Variants in CDKAL1 observed in about 807,000 individuals in gnomAD.
CDKAL1 encodes threonylcarbamoyladenosine tRNA methylthiotransferase.
Under a neutral mutation model 68.2 loss-of-function variants are expected in CDKAL1, and 32 were observed. The ratio of observed to expected loss-of-function variants is 0.47; its 90% CI spans 0.35 to 0.63. The LOEUF is 0.63. Among genes scored for constraint, CDKAL1 ranks in the 30% least tolerant of loss-of-function variants. The pLI is 0.00. For missense variants in CDKAL1, 606 were observed against 696.7 expected (o/e 0.87, Z 1.47); for synonymous variants, 234 against 244.3 (o/e 0.96, Z 0.39).
chr6:20,855,333 C>T (rs1351280037), intron 9 of CDKAL1, among the ~76,000 whole-genome samples: 2 of 149,634 alleles, frequency 1.3e-5, no homozygotes, highest in Non-Finnish European at 3.0e-5. Context: ...ATCTCAGCTA[C>T]TTGGGAAGCT....
At chr6:20,837,582 T>G (rs1337259384) in intron 8 of CDKAL1, among the ~76,000 whole-genome samples, 1 of 152,148 alleles carries the variant, frequency 6.6e-6, no homozygotes, top group African/African-American at 2.4e-5. Context: ...GATTAACCCT[T>G]AGGTAAGTCT....
chr6:20,623,599 A>G (rs1767291794), intron 4 of CDKAL1, among the ~76,000 whole-genome samples: 1 of 152,120 alleles, frequency 6.6e-6, no homozygotes, highest in South Asian at 2.1e-4. Context: ...ATGCAGTGCA[A>G]ATGCTTGCTG....
rs534304158 is a variant in CDKAL1 at position 21,209,279 on chromosome 6, C to T, written c.1548+8005C>T. Among the ~76,000 whole-genome samples, 105 of 152,244 alleles carry T rather than the reference C, an allele frequency of 6.9e-4. 3 individuals are homozygous for T. Among genetic ancestry groups the T allele is most frequent in the African/African-American group, 2.4e-3 (101 of 41,544 alleles). On this transcript the variant is annotated intron_variant, in intron 15 of 15. Coordinates refer to ENST00000274695, the MANE Select transcript of CDKAL1 (RefSeq NM_017774.3). ...TCCCCACCTCTCCATCCTTTGTCCA[C>T]GTTCAAGATAGGAGGCAGAAGGAGC... is the stretch of plus-strand genomic sequence containing the variant.
chr6:20,935,763 T>C (rs1405430459), intron 9 of CDKAL1, among the ~76,000 whole-genome samples: 1 of 152,140 alleles, frequency 6.6e-6, no homozygotes, highest in Non-Finnish European at 1.5e-5. Flanking sequence ...AGAAACAGGA[T>C]CTTGCTACAT....
chr6:20,836,440 C>A (rs1777950027), intron 8 of CDKAL1, among the ~76,000 whole-genome samples: 1 of 152,092 alleles, frequency 6.6e-6, no homozygotes, highest in African/African-American at 2.4e-5. Flanking sequence ...ATCTGGGAAT[C>A]CAGGTCTTTC....
rs1337703122 is a variant in CDKAL1, at chr6:21,065,048, A to G, written c.1056A>G (p.Lys352=). 2.6e-6 allele frequency: 4 copies of G among 1,528,252 alleles called. No homozygotes were observed. The highest frequency in any genetic ancestry group is 4.8e-5 in the East Asian group (2 of 41,946). The allele number at this position is 1,528,252 out of a possible 1,614,324, so 94.7% of individuals were successfully genotyped here. A position where few individuals can be genotyped will look rare whatever the true frequency, so the allele number is the denominator to read the frequency against. Reference sequence around the variant, plus strand: ...ACATTTTTGTCTTGTTATTTTCTAGAGTTCCTGGAATAACTATTGCTACAG... The same window carrying G: ...ACATTTTTGTCTTGTTATTTTCTAGGGTTCCTGGAATAACTATTGCTACAG... ...FKRVVDFLKE[K]VPGITIATDI... The change falls in exon 12 of 16, where the codon AAA becomes AAG. Residue 352 remains lysine (K), a splice_region_variant and synonymous_variant. Coordinates refer to ENST00000274695, the MANE Select transcript of CDKAL1 (RefSeq NM_017774.3).
At chr6:20,834,048 T>C (rs886449057) in intron 8 of CDKAL1, among the ~76,000 whole-genome samples, 1 of 152,240 alleles carries the variant, frequency 6.6e-6, no homozygotes, top group Non-Finnish European at 1.5e-5. Context: ...CTAAGAATCA[T>C]TGACATAGAC....
chr6:21,011,223 T>G (rs985040318), intron 11 of CDKAL1, among the ~76,000 whole-genome samples: 2 of 135,470 alleles, frequency 1.5e-5, no homozygotes, highest in African/African-American at 5.6e-5. Context: ...CTAAAAAAAA[T>G]AGACAAAAAA....
chr6:21,222,507 A>G (rs939345449), intron 15 of CDKAL1, among the ~76,000 whole-genome samples: 1 of 152,198 alleles, frequency 6.6e-6, no homozygotes, highest in Non-Finnish European at 1.5e-5. Flanking sequence ...TGGACTATGC[A>G]TACAACATTG....
intron 7 of CDKAL1, among the ~76,000 whole-genome samples, chr6:20,771,039 G>A (rs72832334): frequency 0.017 from 2,633 of 152,120 alleles, 37 homozygotes; most frequent in Non-Finnish European, 0.026. Flanking sequence ...TGCCTTCCTC[G>A]AGACCTTAAG....
intron 10 of CDKAL1, among the ~76,000 whole-genome samples, chr6:20,956,570 T>C (rs1764787789): frequency 6.6e-6 from 1 of 152,212 alleles, no homozygotes; most frequent in South Asian, 2.1e-4. Context: ...GTGTGTTCTT[T>C]GCAGTATGTT....
chr6:20,651,538 C>T (rs773444787), intron 5 of CDKAL1, among the ~76,000 whole-genome samples: 4 of 152,106 alleles, frequency 2.6e-5, no homozygotes, highest in South Asian at 4.1e-4. Context: ...TATTTGAATA[C>T]GCTTTATTTT....
intron 2 of CDKAL1, among the ~76,000 whole-genome samples, chr6:20,542,047 T>C (rs1266933703): frequency 6.6e-6 from 1 of 152,218 alleles, no homozygotes; most frequent in Admixed American, 6.5e-5. Flanking sequence ...TTATTTCTAA[T>C]CTTTGGTTCT....
At position 21,108,423 on chromosome 6, in the gene CDKAL1, T is replaced by C; in HGVS notation, c.1259T>C (p.Leu420Pro). ...CAGAAAAAGCAAAGGACAAAAGATCTTTCTCGGGTGTTTCATTCTTACAGT... is the reference window on the plus strand; with the variant it reads ...CAGAAAAAGCAAAGGACAAAAGATCCTTCTCGGGTGTTTCATTCTTACAGT... ...AQVKKQRTKD[L>P]SRVFHSYSPY... is the part of the protein sequence containing the mutation. The change falls in exon 13 of 16, where the codon CTT (leucine) becomes CCT (proline). Residue 420 changes from leucine (L) to proline (P), a missense_variant. Transcript: ENST00000274695. 1.2e-6 allele frequency: 2 copies of C among 1,606,752 alleles called. No individual in the cohort carries two copies. The highest frequency in any genetic ancestry group is 1.7e-6 in the Non-Finnish European group (2 of 1,177,574).
In CDKAL1 at chr6:20,581,197, A is replaced by G. The variant is rs113135535; in HGVS notation, c.286+32492A>G. Among the ~76,000 whole-genome samples the G allele has an allele frequency of 8.1e-3, 1,230 of 152,278 alleles. 23 individuals are homozygous for G. Among genetic ancestry groups the G allele is most frequent in the African/African-American group, 0.028 (1,168 of 41,544 alleles). On this transcript the variant is annotated intron_variant, in intron 4 of 15. Transcript: ENST00000274695. ...GTAGTAGATCATCTCTTTGCTTCCAACTAAAGTGGAGCATTGGATGTTGTT... is the reference window on the plus strand; with the variant it reads ...GTAGTAGATCATCTCTTTGCTTCCAGCTAAAGTGGAGCATTGGATGTTGTT...
At chr6:20,609,272 TTCTCC>T in intron 4 of CDKAL1, among the ~76,000 whole-genome samples, 1 of 146,628 alleles carries the variant, frequency 6.8e-6, no homozygotes, top group African/African-American at 2.6e-5. Flanking sequence ...TTCCTCCTCC[TTCTCC>T]TCCTTCTCCT....
chr6:21,191,235 A>G (rs1428767531), intron 13 of CDKAL1, among the ~76,000 whole-genome samples: 1 of 152,232 alleles, frequency 6.6e-6, no homozygotes, highest in East Asian at 1.9e-4. Flanking sequence ...CTTAGAGTGT[A>G]CTTGAGGACC....
intron 5 of CDKAL1, among the ~76,000 whole-genome samples, chr6:20,697,311 A>C (rs577108273): frequency 6.6e-6 from 1 of 152,228 alleles, no homozygotes; most frequent in Non-Finnish European, 1.5e-5. Context: ...ATGGCTTCTT[A>C]AAGTTTTGGT....
intron 4 of CDKAL1, among the ~76,000 whole-genome samples, chr6:20,614,821 C>T (rs1191238514): frequency 6.6e-6 from 1 of 151,888 alleles, no homozygotes; most frequent in Non-Finnish European, 1.5e-5. Flanking sequence ...GGTACATGTG[C>T]ACATTGTGCA....
Sources: gnomAD v4.1 joint callset for allele counts (sites outside exome capture counted in the v4.1 genomes callset) on GRCh38, gnomAD v4.1.1 for gene constraint, MANE v1.5 for transcripts, NCBI Gene and HGNC (gene_info 2026-07-23, HGNC 2026-07-21) for gene names.